The following CCDC7 variants were observed in gnomAD, a reference collection of about 807,000 sequenced individuals.
The protein encoded by CCDC7 is coiled-coil domain containing 7.
In CCDC7, 183 loss-of-function variants were observed where a neutral mutation model predicts 196.9. The ratio of observed to expected loss-of-function variants is 0.93; its 90% confidence interval spans 0.82 to 1.05. CCDC7 has a LOEUF of 1.05. Among genes scored for constraint, CCDC7 ranks in the 50% least tolerant of loss-of-function variants. The probability of loss-of-function intolerance (pLI) is 0.00; values close to 1 mark genes in which losing one functional copy is unlikely to be tolerated. For synonymous variants in CCDC7, 525 were observed against 484.6 expected, an observed-to-expected ratio of 1.08 and a Z score of -1.10; for missense variants, 1,540 against 1,482.2, an observed-to-expected ratio of 1.04 and a Z score of -0.64.
intron 14 of CCDC7, among the ~76,000 whole-genome samples, chr10:32,567,395 A>T (rs553341742): frequency 5.9e-5 from 9 of 152,128 alleles, no homozygotes; most frequent in Middle Eastern, 6.8e-3. Flanking sequence ...TTTTGCTTGT[A>T]TAATAATTAG....
At chr10:32,734,791 G>A (rs537950137) in intron 28 of CCDC7, among the ~76,000 whole-genome samples, 1 of 152,098 alleles carries the variant, frequency 6.6e-6, no homozygotes, top group East Asian at 1.9e-4. Flanking sequence ...CAGCTACTTG[G>A]GAGGGTGAGG....
chr10:32,832,215 G>A (rs757349772), intron 32 of CCDC7, among the ~76,000 whole-genome samples: 37 of 152,128 alleles, frequency 2.4e-4, no homozygotes, highest in Admixed American at 5.2e-4. Context: ...AACTATGGAG[G>A]CCAAGGCCAG....
At position 32,700,964 on chromosome 10, in the gene CCDC7, A is replaced by G. The variant is rs529087151; in HGVS notation, c.2458+5972A>G. Among the ~76,000 whole-genome samples, 9 of 152,320 alleles carry G rather than the reference A, an allele frequency of 5.9e-5. No homozygotes were observed. In the South Asian group the frequency reaches 1.5e-3, roughly 25 times the overall value. On this transcript the variant is annotated intron_variant, in intron 24 of 41. Coordinates refer to ENST00000639629, the Ensembl canonical transcript of CCDC7. ...CTTAAGGAGATTTTGGGCTGAGACA[A>G]TGGGGTTTTCTAGACATACAAGGAT...
At position 32,553,103 on chromosome 10, in the gene CCDC7, CTT is replaced by C. The variant is rs34656193; in HGVS notation, c.1134+8816_1134+8817del. Reference sequence around the variant, plus strand: ...AACATAATCTCAGATTTCTTGGAGTCTTTTTTTTTTTTTTTAATTCTTTTTTT... The same window carrying C: ...AACATAATCTCAGATTTCTTGGAGTCTTTTTTTTTTTTTAATTCTTTTTTT... On this transcript the variant is annotated intron_variant, in intron 13 of 41. Transcript: ENST00000639629. Among the ~76,000 whole-genome samples the C allele has an allele frequency of 1.5e-3, 187 of 123,568 alleles. 1 individual carries two copies. In the Middle Eastern group the frequency reaches 0.017, roughly 11 times the overall value. The allele number at this position is 123,568 out of a possible 152,430, so 81.1% of individuals were successfully genotyped here.
At chr10:32,623,556 C>T (rs1287416568) in intron 18 of CCDC7, among the ~76,000 whole-genome samples, 1 of 151,580 alleles carries the variant, frequency 6.6e-6, no homozygotes, top group Non-Finnish European at 1.5e-5. Flanking sequence ...CTTAATTTTC[C>T]CTCTTCTACA....
Position 32,650,591 on chromosome 10 carries a change from G to A in CCDC7, c.2015-13463G>A, listed in dbSNP as rs191374516. ...AACACCCTTTATGAATCAACCTTGT[G>A]CAGGGAGGCATGGCTAGGTCTCACA... On this transcript the variant is annotated intron_variant, in intron 20 of 41. Transcript: ENST00000639629. Among the ~76,000 whole-genome samples, 3 of 152,278 alleles carry A rather than the reference G, an allele frequency of 2.0e-5. No homozygotes were observed. The East Asian group carries it at 5.8e-4, about 29-fold the overall frequency.
chr10:32,788,477 C>T (rs2082200038), intron 29 of CCDC7, among the ~76,000 whole-genome samples: 1 of 152,194 alleles, frequency 6.6e-6, no homozygotes, highest in African/African-American at 2.4e-5. Flanking sequence ...GATACTGGTA[C>T]AGGCCTGCCC....
At chr10:32,789,518 A>G (rs1018499116) in intron 29 of CCDC7, among the ~76,000 whole-genome samples, 12 of 152,054 alleles carry the variant, frequency 7.9e-5, no homozygotes, top group African/African-American at 2.7e-4. Context: ...TTGAACACAG[A>G]TCATTTGAAA....
intron 18 of CCDC7, among the ~76,000 whole-genome samples, chr10:32,632,004 T>C (rs1332069387): frequency 6.6e-6 from 1 of 152,166 alleles, no homozygotes; most frequent in Non-Finnish European, 1.5e-5. Context: ...TGATTTCTTC[T>C]AATAGGTTTA....
intron 41 of CCDC7, among the ~76,000 whole-genome samples, chr10:32,857,065 G>C (rs959612464): frequency 1.3e-5 from 2 of 152,112 alleles, no homozygotes; most frequent in Admixed American, 6.5e-5. Context: ...TCAACACCAA[G>C]AGAGATGCCC....
intron 9 of CCDC7, among the ~76,000 whole-genome samples, chr10:32,506,335 G>T (rs2045094722): frequency 1.3e-5 from 2 of 151,252 alleles, no homozygotes; most frequent in Admixed American, 1.3e-4. Flanking sequence ...CCTAGATGGG[G>T]TGGTGGCCGG....
intron 11 of CCDC7, among the ~76,000 whole-genome samples, chr10:32,542,683 G>T (rs2051691361): frequency 6.7e-6 from 1 of 149,468 alleles, no homozygotes; most frequent in Admixed American, 6.7e-5. Flanking sequence ...ATCTACCTTG[G>T]TTCACCTGTA....
chr10:32,882,462 G>A (rs2094827187), intron 22 of CCDC7, among the ~76,000 whole-genome samples: 1 of 152,138 alleles, frequency 6.6e-6, no homozygotes, highest in African/African-American at 2.4e-5. Context: ...TTTGAACACG[G>A]AGGGAGTCAT....
intron 18 of CCDC7, chr10:32,623,627 TG>T (rs2063649460): frequency 2.2e-6 from 1 of 450,878 alleles, no homozygotes; most frequent in Admixed American, 2.4e-5. Context: ...TGTCAGATAC[TG>T]CTTTAGTCCA....
At chr10:32,697,233 A>G (rs1184380700) in intron 24 of CCDC7, among the ~76,000 whole-genome samples, 1 of 152,208 alleles carries the variant, frequency 6.6e-6, no homozygotes, top group East Asian at 1.9e-4. Context: ...GAATAGGAAC[A>G]GCTCCAGGCT....
chr10:32,848,519 C>A, intron 38 of CCDC7, 77 bp from the exon 40 acceptor site: 2 of 1,077,098 alleles, frequency 1.9e-6, no homozygotes, highest in Non-Finnish European at 2.7e-6. Context: ...GAAATAAAGA[C>A]AAATACGTGG....
intron 30 of CCDC7, among the ~76,000 whole-genome samples, chr10:32,810,918 A>T (rs775617340): frequency 3.9e-5 from 6 of 152,152 alleles, no homozygotes; most frequent in Non-Finnish European, 8.8e-5. Context: ...ATGAATGATC[A>T]CTGAATCAAT....
intron 41 of CCDC7, among the ~76,000 whole-genome samples, chr10:32,859,511 A>G (rs2093889726): frequency 6.6e-6 from 1 of 152,218 alleles, no homozygotes; most frequent in African/African-American, 2.4e-5. Context: ...TAAAAGAACT[A>G]GAGAAGCAAG....
intron 8 of CCDC7, among the ~76,000 whole-genome samples, chr10:32,483,765 T>G (rs1418887453): frequency 6.6e-6 from 1 of 152,220 alleles, no homozygotes; most frequent in African/African-American, 2.4e-5. Flanking sequence ...CCTTTCCCCA[T>G]TTCTTGTTTT....
Sources: gnomAD v4.1 joint callset for allele counts (sites outside exome capture counted in the v4.1 genomes callset) on GRCh38, gnomAD v4.1.1 for gene constraint, MANE v1.5 for transcripts, NCBI Gene and HGNC (gene_info 2026-07-23, HGNC 2026-07-21) for gene names.